The following MDGA2 variants were observed in gnomAD, a reference collection of about 807,000 sequenced individuals.
MDGA2 encodes MAM domain containing glycosylphosphatidylinositol anchor 2, also known as MAM domain-containing glycosylphosphatidylinositol anchor protein 2.
MDGA2 carries 40 observed loss-of-function variants against 117.8 expected under a neutral mutation model. That is an observed-to-expected ratio of 0.34 (90% confidence interval 0.26 to 0.44). The LOEUF is 0.44. Among genes scored for constraint, MDGA2 ranks in the 20% least tolerant of loss-of-function variants. The pLI is 1.00. For missense variants in MDGA2, 1,123 were observed against 1,250.6 expected (o/e 0.90, Z 1.54); for synonymous variants, 452 against 439.0 (o/e 1.03, Z -0.37).
chr14:46,960,786 A>G (rs1303950195), intron 8 of MDGA2, among the ~76,000 whole-genome samples: 1 of 146,110 alleles, frequency 6.8e-6, no homozygotes, highest in Admixed American at 7.0e-5. Flanking sequence ...CATATTATAC[A>G]TATATAGAAT....
chr14:47,483,947 G>A (rs949889581), intron 1 of MDGA2, among the ~76,000 whole-genome samples: 23 of 151,902 alleles, frequency 1.5e-4, no homozygotes, highest in Admixed American at 1.3e-4. Flanking sequence ...AAGTACCTGT[G>A]GTGTCAAAAC....
intron 1 of MDGA2, among the ~76,000 whole-genome samples, chr14:47,408,513 G>A (rs964541428): frequency 6.6e-6 from 1 of 152,202 alleles, no homozygotes; most frequent in African/African-American, 2.4e-5. Context: ...CTGGCTCTGA[G>A]ATGTAGGGAT....
intron 2 of MDGA2, among the ~76,000 whole-genome samples, chr14:47,295,686 C>T (rs928213803): frequency 6.6e-6 from 1 of 151,894 alleles, no homozygotes; most frequent in African/African-American, 2.4e-5. Flanking sequence ...GGCGAATCAC[C>T]CGAGGTCAGG....
At chr14:47,190,827 T>C (rs1885080692) in intron 3 of MDGA2, among the ~76,000 whole-genome samples, 1 of 152,168 alleles carries the variant, frequency 6.6e-6, no homozygotes, top group Non-Finnish European at 1.5e-5. Context: ...CAGCTATAAC[T>C]GGCTGGGGTA....
intron 12 of MDGA2, 135 bp downstream of exon 12, chr14:46,877,354 C>T: frequency 4.3e-6 from 2 of 470,534 alleles, no homozygotes; most frequent in Non-Finnish European, 7.6e-6. Context: ...CATTTAATGC[C>T]AATTTTACTG....
chr14:46,883,648 C>G (rs190063108), intron 10 of MDGA2, among the ~76,000 whole-genome samples: 203 of 152,150 alleles, frequency 1.3e-3, no homozygotes, highest in Middle Eastern at 3.4e-3. Flanking sequence ...TTCCTTTTCT[C>G]TCACTCTATC....
intron 1 of MDGA2, among the ~76,000 whole-genome samples, chr14:47,639,100 C>T (rs562041274): frequency 1.3e-4 from 20 of 152,228 alleles, no homozygotes; most frequent in South Asian, 1.0e-3. Flanking sequence ...TAATTAGGAA[C>T]CTCCTGCCAT....
At chr14:47,200,055 T>C (rs1186560594) in intron 3 of MDGA2, among the ~76,000 whole-genome samples, 1 of 151,938 alleles carries the variant, frequency 6.6e-6, no homozygotes, top group Non-Finnish European at 1.5e-5. Flanking sequence ...AAGAGAGCTG[T>C]TAATAGAGAA....
At chr14:47,247,129 T>C (rs1887267017) in intron 2 of MDGA2, among the ~76,000 whole-genome samples, 1 of 151,764 alleles carries the variant, frequency 6.6e-6, no homozygotes, top group South Asian at 2.1e-4. Flanking sequence ...CAGGACCATT[T>C]TGGCCACAAG....
chr14:47,026,566 A>G (rs992995402), intron 8 of MDGA2, among the ~76,000 whole-genome samples: 2 of 151,840 alleles, frequency 1.3e-5, no homozygotes, highest in African/African-American at 4.8e-5. Flanking sequence ...ATGATATATT[A>G]TTGTTCACCT....
chr14:47,209,266 G>T (rs766195216), intron 3 of MDGA2, among the ~76,000 whole-genome samples: 1 of 152,050 alleles, frequency 6.6e-6, no homozygotes, highest in Non-Finnish European at 1.5e-5. Context: ...CCAGTAGTTC[G>T]AGTAGAGTGG....
At chr14:47,303,856 T>C (rs561948180) in intron 1 of MDGA2, among the ~76,000 whole-genome samples, 8 of 152,302 alleles carry the variant, frequency 5.3e-5, no homozygotes, top group Admixed American at 5.2e-4. Context: ...CAATGCTTAG[T>C]ATTGTTATTT....
intron 1 of MDGA2, among the ~76,000 whole-genome samples, chr14:47,637,782 C>T (rs1487958996): frequency 2.0e-5 from 3 of 152,170 alleles, no homozygotes; most frequent in Non-Finnish European, 2.9e-5. Flanking sequence ...ATATGATATA[C>T]GTAATACTAA....
chr14:47,035,505 A>C (rs796971774), intron 7 of MDGA2, among the ~76,000 whole-genome samples: 2 of 152,328 alleles, frequency 1.3e-5, no homozygotes, highest in African/African-American at 4.8e-5. Flanking sequence ...TAAAATGAGG[A>C]CTTCAAACAT....
At chr14:47,447,122 C>A (rs1023499937) in intron 1 of MDGA2, among the ~76,000 whole-genome samples, 1 of 152,154 alleles carries the variant, frequency 6.6e-6, no homozygotes, top group Non-Finnish European at 1.5e-5. Context: ...AAAATAGCTT[C>A]ATGTTGCTCT....
chr14:47,077,896 A>AT (rs1890554727), intron 6 of MDGA2, among the ~76,000 whole-genome samples: 1 of 152,096 alleles, frequency 6.6e-6, no homozygotes, highest in Non-Finnish European at 1.5e-5. Context: ...GAAAAATGGT[A>AT]TAAGATAGAG....
chr14:46,959,767 C>A (rs1885718193), intron 8 of MDGA2, among the ~76,000 whole-genome samples: 2 of 152,118 alleles, frequency 1.3e-5, no homozygotes, highest in Non-Finnish European at 2.9e-5. Context: ...CTCCGATTGT[C>A]TCAAAGCTTG....
At chr14:47,577,136 CA>C (rs1424340911) in intron 1 of MDGA2, among the ~76,000 whole-genome samples, 8 of 151,924 alleles carry the variant, frequency 5.3e-5, no homozygotes, top group African/African-American at 1.9e-4. Flanking sequence ...AGACAGGAGA[CA>C]AAAGTAGAGT....
At chr14:47,575,773 A>C (rs1896105343) in intron 1 of MDGA2, among the ~76,000 whole-genome samples, 1 of 152,190 alleles carries the variant, frequency 6.6e-6, no homozygotes, top group Non-Finnish European at 1.5e-5. Flanking sequence ...TTTGTCCCTC[A>C]CAGAATCAAC....
Sources: allele counts gnomAD v4.1 joint callset (sites outside exome capture counted in the v4.1 genomes callset), GRCh38; gene constraint gnomAD v4.1.1; transcripts MANE v1.5; gene names NCBI Gene and HGNC (gene_info 2026-07-23, HGNC 2026-07-21).